Variants in TENM2 observed in about 807,000 individuals in gnomAD.
TENM2 encodes the protein teneurin transmembrane protein 2, also known as teneurin-2.
In TENM2, 52 loss-of-function variants were observed where a neutral mutation model predicts 245.2. That is an observed-to-expected ratio of 0.21 (90% CI 0.17 to 0.27). The LOEUF (loss-of-function observed/expected upper bound fraction) is 0.27. Among genes scored for constraint, TENM2 ranks in the 10% least tolerant of loss-of-function variants. The pLI is 1.00. For missense variants in TENM2, 3,046 were observed against 3,666.8 expected, an observed-to-expected ratio of 0.83 and a Z score of 4.37; for synonymous variants, 1,363 against 1,438.9, an observed-to-expected ratio of 0.95 and a Z score of 1.19.
intron 2 of TENM2, among the ~76,000 whole-genome samples, chr5:167,795,096 A>G (rs1221274394): frequency 2.6e-5 from 4 of 152,232 alleles, no homozygotes; most frequent in African/African-American, 9.6e-5. Flanking sequence ...ATTTGGGTAG[A>G]TGAGTGAAAA....
chr5:167,307,367 G>A (rs997225475), intron 1 of TENM2, among the ~76,000 whole-genome samples: 2 of 152,096 alleles, frequency 1.3e-5, no homozygotes, highest in African/African-American at 4.8e-5. Context: ...TATACTGTCA[G>A]GATTAAAACA....
chr5:168,038,951 G>A (rs1787943033), intron 5 of TENM2, among the ~76,000 whole-genome samples: 1 of 152,134 alleles, frequency 6.6e-6, no homozygotes, highest in Admixed American at 6.5e-5. Flanking sequence ...GCAGTTTGTT[G>A]AGGGCTGCTG....
At chr5:167,735,861 A>T (rs1015942766) in intron 2 of TENM2, among the ~76,000 whole-genome samples, 1 of 152,168 alleles carries the variant, frequency 6.6e-6, no homozygotes, top group Non-Finnish European at 1.5e-5. Flanking sequence ...ACCGGTTCAT[A>T]CCAATCCAGC....
chr5:167,081,242 T>C, the TENM2 span, among the ~76,000 whole-genome samples: 1 of 152,034 alleles, frequency 6.6e-6, no homozygotes, highest in Admixed American at 6.6e-5. Flanking sequence ...TCACTTGGTA[T>C]TTATGATCAT....
At position 167,370,277 on chromosome 5, in the gene TENM2, G is replaced by T. The variant is rs1306694049; in HGVS notation, c.227-4921G>T. On this transcript the variant is annotated intron_variant, in intron 1 of 28. Coordinates refer to ENST00000518659, the Ensembl canonical transcript of TENM2. ...GAATGGCGTGAACCCGGGAGGTGGAGCTTGCAGTGAGCCGAGATAACGCCA... is the reference window on the plus strand; with the variant it reads ...GAATGGCGTGAACCCGGGAGGTGGATCTTGCAGTGAGCCGAGATAACGCCA... 2.1e-5 allele frequency among the ~76,000 whole-genome samples: 3 copies of T among 145,368 alleles called. No individual in the cohort carries two copies. The Admixed American group carries it at 2.1e-4, about 10-fold the overall frequency.
the TENM2 span, among the ~76,000 whole-genome samples, chr5:167,001,022 GGTTT>G: frequency 1.3e-5 from 2 of 151,856 alleles, no homozygotes; most frequent in East Asian, 3.9e-4. Flanking sequence ...TTGGCTGATT[GGTTT>G]GTTGATTGAT....
At chr5:167,911,444 G>C (rs968325183) in intron 3 of TENM2, among the ~76,000 whole-genome samples, 1 of 152,112 alleles carries the variant, frequency 6.6e-6, no homozygotes, top group Non-Finnish European at 1.5e-5. Flanking sequence ...GGAGAATGGC[G>C]TGAACCTGGG....
Position 167,999,760 on chromosome 5 carries a change from G to A in TENM2, c.1186+6578G>A, listed in dbSNP as rs150764353. On this transcript the variant is annotated intron_variant, in intron 5 of 28. Coordinates refer to ENST00000518659, the Ensembl canonical transcript of TENM2. ...ATTCCCATCAGAAGTCAGGATAGTC[G>A]GCCCATGCAGGGCTTTCTCACCCTT... 3.3e-3 allele frequency among the ~76,000 whole-genome samples: 509 copies of A among 152,282 alleles called. 8 individuals are homozygous for A. Among genetic ancestry groups the A allele is most frequent in the African/African-American group, 0.012 (485 of 41,544 alleles).
intron 7 of TENM2, among the ~76,000 whole-genome samples, chr5:168,077,465 A>C (rs777452623): frequency 6.6e-6 from 1 of 151,840 alleles, no homozygotes; most frequent in Non-Finnish European, 1.5e-5. Context: ...TCTAGGGTAC[A>C]TGTGCACAAA....
intron 12 of TENM2, among the ~76,000 whole-genome samples, chr5:168,142,663 G>C (rs1755660127): frequency 6.6e-6 from 1 of 152,126 alleles, no homozygotes; most frequent in Non-Finnish European, 1.5e-5. Flanking sequence ...ACATGGCTGG[G>C]GGCATTGCCT....
intron 3 of TENM2, among the ~76,000 whole-genome samples, chr5:167,884,144 TC>T (rs1160868375): frequency 1.3e-5 from 2 of 152,232 alleles, no homozygotes; most frequent in African/African-American, 2.4e-5. Flanking sequence ...TAAATGACAT[TC>T]CGATACATCT....
intron 2 of TENM2, among the ~76,000 whole-genome samples, chr5:167,826,476 G>A (rs1767982823): frequency 6.6e-6 from 1 of 152,194 alleles, no homozygotes; most frequent in Admixed American, 6.5e-5. Flanking sequence ...CTATAGCATA[G>A]AGATTTATTT....
At position 167,789,589 on chromosome 5, in the gene TENM2, C is replaced by G. The variant is rs144739667; in HGVS notation, c.503-86397C>G. ...CTGTGCTTAATGATTATTATAGCAT[C>G]CACATAAAGTCATTTGGGTTGGTTT... is the stretch of plus-strand genomic sequence containing the variant. On this transcript the variant is annotated intron_variant, in intron 2 of 28. Transcript: ENST00000518659. Among the ~76,000 whole-genome samples the G allele has an allele frequency of 3.9e-5, 6 of 152,334 alleles. No homozygotes were observed. The East Asian group carries it at 1.2e-3, about 29-fold the overall frequency.
At chr5:167,224,980 C>A in the TENM2 span, among the ~76,000 whole-genome samples, 1 of 151,724 alleles carries the variant, frequency 6.6e-6, no homozygotes, top group Non-Finnish European at 1.5e-5. Flanking sequence ...ATTGGGATTG[C>A]CTTCCTAATT....
At chr5:167,083,991 G>A in the TENM2 span, among the ~76,000 whole-genome samples, 1 of 152,010 alleles carries the variant, frequency 6.6e-6, no homozygotes, top group Non-Finnish European at 1.5e-5. Flanking sequence ...GCCCCCTAGA[G>A]CCTCCTTGTT....
At chr5:167,390,763 G>C (rs1174967282) in intron 2 of TENM2, among the ~76,000 whole-genome samples, 1 of 152,128 alleles carries the variant, frequency 6.6e-6, no homozygotes, top group Non-Finnish European at 1.5e-5. Context: ...GTGAAATGCA[G>C]AACAATTAAG....
intron 2 of TENM2, among the ~76,000 whole-genome samples, chr5:167,797,936 T>C (rs1765437140): frequency 6.6e-6 from 1 of 152,248 alleles, no homozygotes; most frequent in Non-Finnish European, 1.5e-5. Context: ...TTGCATGTGC[T>C]TGAATTAATT....
At chr5:168,077,317 A>G (rs1367520646) in intron 7 of TENM2, among the ~76,000 whole-genome samples, 1 of 152,118 alleles carries the variant, frequency 6.6e-6, no homozygotes, top group African/African-American at 2.4e-5. Flanking sequence ...CTTTTGGCCT[A>G]AATCTTTTTC....
At chr5:167,161,181 A>G in the TENM2 span, among the ~76,000 whole-genome samples, 1 of 152,204 alleles carries the variant, frequency 6.6e-6, no homozygotes, top group African/African-American at 2.4e-5. Context: ...TGACTCTCCA[A>G]AAAACTAATA....
Sources: allele counts gnomAD v4.1 joint callset (sites outside exome capture counted in the v4.1 genomes callset), GRCh38; gene constraint gnomAD v4.1.1; transcripts MANE v1.5; gene names NCBI Gene and HGNC (gene_info 2026-07-23, HGNC 2026-07-21).